The following RAI14 variants were observed in gnomAD, a reference collection of about 807,000 sequenced individuals.
RAI14 encodes the protein ankycorbin.
Under a neutral mutation model 115.4 loss-of-function variants are expected in RAI14, and 45 were observed. The observed-to-expected ratio is 0.39, with a 90% confidence interval of 0.31 to 0.50. RAI14 has a LOEUF of 0.50. Ranked by LOEUF, RAI14 falls within the 20% of genes least tolerant of loss-of-function variation. RAI14 has a pLI of 0.85. For missense variants in RAI14, 939 were observed against 1,131.2 expected, an observed-to-expected ratio of 0.83 and a Z score of 2.44; for synonymous variants, 371 against 415.4, an observed-to-expected ratio of 0.89 and a Z score of 1.30.
chr5:34,810,933 T>G lies in RAI14; in HGVS notation c.451-79T>G, dbSNP rs547668207. 1.9e-6 allele frequency: 3 copies of G among 1,598,988 alleles called. No homozygotes were observed. In the Admixed American group the frequency reaches 5.1e-5, roughly 27 times the overall value. ...AGCAGTCCAAGTCAGGAGAAAAATGTGCAAAAAACAGGGGCTGACTTTTGC... is the reference window on the plus strand; with the variant it reads ...AGCAGTCCAAGTCAGGAGAAAAATGGGCAAAAAACAGGGGCTGACTTTTGC... On this transcript the variant is annotated intron_variant, in intron 7 of 17. Coordinates refer to ENST00000265109, the MANE Select transcript of RAI14 (RefSeq NM_015577.3).
At chr5:34,782,179 G>A (rs949464218) in intron 3 of RAI14, among the ~76,000 whole-genome samples, 14 of 152,198 alleles carry the variant, frequency 9.2e-5, no homozygotes, top group East Asian at 3.9e-4. Context: ...TGGCCATCAC[G>A]AACATGTCAC....
At chr5:34,754,892 T>C (rs1747680803) in intron 2 of RAI14, among the ~76,000 whole-genome samples, 1 of 152,162 alleles carries the variant, frequency 6.6e-6, no homozygotes, top group Non-Finnish European at 1.5e-5. Flanking sequence ...CTTAGCAACG[T>C]TGAAAAGGAA....
At chr5:34,701,322 T>G (rs1740035179) in intron 2 of RAI14, among the ~76,000 whole-genome samples, 1 of 152,204 alleles carries the variant, frequency 6.6e-6, no homozygotes, top group African/African-American at 2.4e-5. Flanking sequence ...TCCTTCTTTG[T>G]GGGGGGAAAA....
At chr5:34,805,573 C>T (rs1754778336) in intron 5 of RAI14, among the ~76,000 whole-genome samples, 1 of 152,220 alleles carries the variant, frequency 6.6e-6, no homozygotes, top group African/African-American at 2.4e-5. Flanking sequence ...GGTGCAGTGG[C>T]TCACGCCTGT....
At chr5:34,803,603 T>C (rs1249506388) in intron 4 of RAI14, 109 bp from the exon 5 acceptor site, 3 of 934,474 alleles carry the variant, frequency 3.2e-6, no homozygotes, top group Non-Finnish European at 4.8e-6. Flanking sequence ...TCCGTCTTTT[T>C]TGGATAACAA....
intron 2 of RAI14, among the ~76,000 whole-genome samples, chr5:34,704,177 T>C (rs13172326): frequency 0.27 from 40,721 of 152,104 alleles, 5,808 homozygotes; most frequent in Middle Eastern, 0.34. Context: ...CCAGGAAAGC[T>C]TCTTAAACTA....
Position 34,815,336 on chromosome 5 carries a change from G to A in RAI14, c.939+667G>A, listed in dbSNP as rs979407281. ...GCAGAGATTGCAGTGAGCCGAGATC[G>A]CGCCACTGCACTCTAGCTTGGCAAC... On this transcript the variant is annotated intron_variant, in intron 12 of 17. Coordinates refer to ENST00000265109, the MANE Select transcript of RAI14 (RefSeq NM_015577.3). 6.6e-5 allele frequency among the ~76,000 whole-genome samples: 10 copies of A among 151,666 alleles called. 1 individual carries two copies. The highest frequency in any genetic ancestry group is 6.8e-3 in the Middle Eastern group (2 of 294).
At chr5:34,817,538 T>G (rs60981703) in intron 12 of RAI14, among the ~76,000 whole-genome samples, 2,414 of 152,314 alleles carry the variant, frequency 0.016, 62 homozygotes, top group African/African-American at 0.055. Context: ...CAATCTTGTA[T>G]GCAAATGTTT....
At position 34,742,655 on chromosome 5, in the gene RAI14, T is replaced by TTTTTG. The variant is rs1242723914; in HGVS notation, c.37-14793_37-14789dup. 1.6e-4 allele frequency among the ~76,000 whole-genome samples: 25 copies of TTTTTG among 152,068 alleles called. No homozygotes were observed. The South Asian group carries it at 4.8e-3, about 29-fold the overall frequency. On this transcript the variant is annotated intron_variant, in intron 2 of 17. Transcript: ENST00000265109. Reference sequence around the variant, plus strand: ...TACTGCAGTTTGCTGTTTTTTGTTTTTTTTGTTTTGTTTTGTTTTGTTTTT... The same window carrying TTTTTG: ...TACTGCAGTTTGCTGTTTTTTGTTTTTTTTGTTTTGTTTTGTTTTGTTTTGTTTTT...
intron 2 of RAI14, among the ~76,000 whole-genome samples, chr5:34,751,720 C>T (rs1447580728): frequency 2.6e-5 from 4 of 152,172 alleles, no homozygotes; most frequent in Non-Finnish European, 5.9e-5. Flanking sequence ...CTGTTATGAG[C>T]GATGCTTTCG....
chr5:34,706,653 G>C (rs915868132), intron 2 of RAI14, among the ~76,000 whole-genome samples: 2 of 152,114 alleles, frequency 1.3e-5, no homozygotes, highest in South Asian at 2.1e-4. Context: ...GAGATTGCAG[G>C]CTTTTTATTC....
chr5:34,707,410 G>T (rs1162448871), intron 2 of RAI14, among the ~76,000 whole-genome samples: 1 of 152,244 alleles, frequency 6.6e-6, no homozygotes, highest in African/African-American at 2.4e-5. Flanking sequence ...GGAGGTTGCA[G>T]TGAGCCAAGA....
chr5:34,721,302 TATATATATATATATATATATATAG>T lies in RAI14; in HGVS notation c.36+34350_36+34373del, dbSNP rs1312571124. ...GTAGATGTAGATGTGTATATATATATATATATATATATATATATATATAGATGTGTATGTATGTATATTGTATAC... is the reference window on the plus strand; with the variant it reads ...GTAGATGTAGATGTGTATATATATATATGTGTATGTATGTATATTGTATAC... On this transcript the variant is annotated intron_variant, in intron 2 of 17. Coordinates refer to ENST00000265109, the MANE Select transcript of RAI14 (RefSeq NM_015577.3). Among the ~76,000 whole-genome samples, 6 of 91,372 alleles carry T rather than the reference TATATATATATATATATATATATAG, an allele frequency of 6.6e-5. No individual in the cohort carries two copies. The Admixed American group carries it at 6.9e-4, about 10-fold the overall frequency. 59.9% of individuals were successfully genotyped at this position (91,372 alleles called of 152,430 possible). A position where few individuals can be genotyped will look rare whatever the true frequency, so the allele number is the denominator to read the frequency against.
intron 2 of RAI14, among the ~76,000 whole-genome samples, chr5:34,704,895 C>A (rs1429920667): frequency 1.3e-5 from 2 of 152,202 alleles, no homozygotes; most frequent in Non-Finnish European, 2.9e-5. Context: ...CTCTTCTAGT[C>A]ACTAGCTACA....
At chr5:34,667,546 T>TTTA (rs1743313214) in intron 1 of RAI14, among the ~76,000 whole-genome samples, 2 of 152,112 alleles carry the variant, frequency 1.3e-5, no homozygotes, top group South Asian at 4.1e-4. Context: ...CTGAGCCTTT[T>TTTA]TTATTATTAT....
intron 2 of RAI14, among the ~76,000 whole-genome samples, chr5:34,705,793 A>G (rs943519589): frequency 6.6e-6 from 1 of 152,122 alleles, no homozygotes; most frequent in Non-Finnish European, 1.5e-5. Context: ...GATTACAGAC[A>G]TGCACCACCA....
Position 34,831,285 on chromosome 5 carries a change from A to C in RAI14, c.*520A>C, listed in dbSNP as rs2150321251. ...AACCCTTCATCATGATATCCTGTGG[A>C]TTTAAAAACTCTAATTCCATGTTTT... On this transcript the variant is annotated 3_prime_UTR_variant, in exon 18 of 18. Coordinates refer to ENST00000265109, the MANE Select transcript of RAI14 (RefSeq NM_015577.3). 6.5e-6 allele frequency: 1 copy of C among 153,042 alleles called. No homozygotes were observed. The highest frequency in any genetic ancestry group is 1.9e-4 in the East Asian group (1 of 5,206). The allele number at this position is 153,042 out of a possible 1,614,324, so 9.5% of individuals were successfully genotyped here. A position where few individuals can be genotyped will look rare whatever the true frequency, so the allele number is the denominator to read the frequency against.
At chr5:34,702,138 A>T (rs1007295031) in intron 2 of RAI14, among the ~76,000 whole-genome samples, 2 of 152,122 alleles carry the variant, frequency 1.3e-5, no homozygotes, top group African/African-American at 4.8e-5. Context: ...TTTCGTCAAC[A>T]CTATGATTTC....
chr5:34,687,978 C>T, intron 2 of RAI14: 1 of 1,143,746 alleles, frequency 8.7e-7, no homozygotes, highest in Non-Finnish European at 1.2e-6. Context: ...AGATGAGATG[C>T]TTATGGGATG....
Sources: allele counts gnomAD v4.1 joint callset (sites outside exome capture counted in the v4.1 genomes callset), GRCh38; gene constraint gnomAD v4.1.1; transcripts MANE v1.5; gene names NCBI Gene and HGNC (gene_info 2026-07-23, HGNC 2026-07-21).